MTAP: variants seen among roughly 807,000 people sequenced by gnomAD.
MTAP encodes the protein methylthioadenosine phosphorylase.
In MTAP, 33 loss-of-function variants were observed where a neutral mutation model predicts 33.6. The observed-to-expected ratio is 0.98, with a 90% CI of 0.74 to 1.31. The LOEUF is 1.31. Among genes scored for constraint, MTAP ranks in the 40% most tolerant of loss-of-function variants. The pLI is 0.00. For synonymous variants in MTAP, 148 were observed against 125.7 expected, an observed-to-expected ratio of 1.18 and a Z score of -1.19; for missense variants, 367 against 360.0, an observed-to-expected ratio of 1.02 and a Z score of -0.16.
chr9:21,816,764 C>A lies in MTAP; in HGVS notation c.171C>A (p.Leu57=). 6.2e-7 allele frequency: 1 copy of A among 1,610,648 alleles called. No individual in the cohort carries two copies. The highest frequency in any genetic ancestry group is 1.3e-5 in the African/African-American group (1 of 74,896). ...AGATAAAAAATGTTGATTGCGTCCT[C>A]CTTGCAAGGTATGGTATTTTAAGCT... ...LGKIKNVDCV[L]LARHGRQHTI... The change falls in exon 3 of 8, where the codon CTC becomes CTA. Residue 57 remains leucine, a synonymous_variant. Transcript: ENST00000644715.
At chr9:21,879,512 C>G (rs1468302284) in intron 1 of MTAP, among the ~76,000 whole-genome samples, 1 of 151,936 alleles carries the variant, frequency 6.6e-6, no homozygotes, top group African/African-American at 2.4e-5. Flanking sequence ...TCCAGCTTGC[C>G]ACTCTGTGCC....
At chr9:21,829,423 T>G (rs952402320) in intron 4 of MTAP, among the ~76,000 whole-genome samples, 30 of 151,992 alleles carry the variant, frequency 2.0e-4, no homozygotes, top group African/African-American at 6.5e-4. Context: ...TGTTGTTTTT[T>G]TTTTTTGTTT....
At chr9:21,811,768 C>A in intron 1 of MTAP, 1 of 529,628 alleles carries the variant, frequency 1.9e-6, no homozygotes. Flanking sequence ...TGTACCAGTA[C>A]AGGAAAGCTT....
chr9:21,920,960 AT>A (rs941095404), intron 1 of MTAP, among the ~76,000 whole-genome samples: 1 of 151,680 alleles, frequency 6.6e-6, no homozygotes, highest in Admixed American at 6.6e-5. Flanking sequence ...CACTTCTCCC[AT>A]TTTTTTTGGA....
intron 4 of MTAP, among the ~76,000 whole-genome samples, chr9:21,819,189 G>A (rs189130710): frequency 6.0e-5 from 9 of 148,918 alleles, no homozygotes; most frequent in Admixed American, 5.4e-4. Context: ...TGTGCACAAC[G>A]TGCAGGTTTG....
chr9:21,867,983 A>T (rs1488838601), downstream of MTAP, among the ~76,000 whole-genome samples: 1 of 152,228 alleles, frequency 6.6e-6, no homozygotes, highest in Non-Finnish European at 1.5e-5. Flanking sequence ...AACAATGTTC[A>T]TGACAAAAGG....
At chr9:21,881,859 C>G (rs763950756) in intron 1 of MTAP, among the ~76,000 whole-genome samples, 7 of 151,978 alleles carry the variant, frequency 4.6e-5, no homozygotes, top group Non-Finnish European at 1.0e-4. Flanking sequence ...TATGATTCAG[C>G]AATCACATCT....
chr9:21,888,081 A>G (rs549246891), intron 1 of MTAP, among the ~76,000 whole-genome samples: 2 of 152,348 alleles, frequency 1.3e-5, no homozygotes, highest in African/African-American at 2.4e-5. Flanking sequence ...GTGAAAAGCA[A>G]CAATCATTTA....
At chr9:21,924,547 G>A (rs1818836911) in intron 1 of MTAP, among the ~76,000 whole-genome samples, 1 of 152,168 alleles carries the variant, frequency 6.6e-6, no homozygotes, top group Admixed American at 6.5e-5. Context: ...ACCTTTGTTG[G>A]GCTTGTAAAA....
chr9:21,931,170 C>A, exon 2 of MTAP: 1 of 747,272 alleles, frequency 1.3e-6, no homozygotes, highest in Non-Finnish European at 2.4e-6. Flanking sequence ...CTTCCAACAA[C>A]CCATGCAGCC....
At position 21,878,946 on chromosome 9, in the gene MTAP, G is replaced by A. The variant is rs117168139; in HGVS notation, c.147+24076G>A. On this transcript the variant is annotated intron_variant, in intron 1 of 1. Transcript: ENST00000577563. ...TGTTTCATATTATTTTGGTTCTTCC[G>A]CATTTGCTGAGGATTGTTTTATGTC... 5.6e-3 allele frequency among the ~76,000 whole-genome samples: 856 copies of A among 152,122 alleles called. 16 individuals carry two copies. The highest frequency in any genetic ancestry group is 0.054 in the East Asian group (278 of 5,178).
rs1392257334 is a variant in MTAP, at chr9:21,865,687, CAGA to C, written c.*3679_*3681del. 2.0e-6 allele frequency: 2 copies of C among 1,019,380 alleles called. No individual in the cohort carries two copies. Among genetic ancestry groups the C allele is most frequent in the Non-Finnish European group, 2.4e-6 (2 of 847,430 alleles). The allele number at this position is 1,019,380 out of a possible 1,614,324, so 63.1% of individuals were successfully genotyped here. ...ATCTACCAAGACTAGTAGGGTAGTC[CAGA>C]AGAAGCTGTTTCAGGGCCTGTTGCC... is the stretch of plus-strand genomic sequence containing the variant. On this transcript the variant is annotated 3_prime_UTR_variant, in exon 8 of 8. Transcript: ENST00000644715.
chr9:21,835,222 C>G (rs1317019218), intron 4 of MTAP, among the ~76,000 whole-genome samples: 1 of 152,132 alleles, frequency 6.6e-6, no homozygotes, highest in Non-Finnish European at 1.5e-5. Context: ...CTCCAAAAGG[C>G]TCCATCTCCT....
intron 4 of MTAP, among the ~76,000 whole-genome samples, chr9:21,836,913 T>C (rs1031836059): frequency 6.6e-6 from 1 of 152,184 alleles, no homozygotes; most frequent in African/African-American, 2.4e-5. Context: ...AAACTATTTC[T>C]CAGTGCTGCC....
intron 4 of MTAP, among the ~76,000 whole-genome samples, chr9:21,828,185 A>G (rs1489930950): frequency 2.0e-5 from 3 of 152,180 alleles, no homozygotes; most frequent in Admixed American, 6.5e-5. Flanking sequence ...TTTTCTGTTT[A>G]TGAGACATAT....
intron 6 of MTAP, among the ~76,000 whole-genome samples, chr9:21,855,831 A>G (rs922013933): frequency 2.0e-4 from 30 of 152,134 alleles, no homozygotes; most frequent in African/African-American, 6.5e-4. Context: ...GTCCCTACCT[A>G]TTTCTCCCCT....
At chr9:21,821,441 A>C (rs899512082) in intron 4 of MTAP, among the ~76,000 whole-genome samples, 1 of 152,204 alleles carries the variant, frequency 6.6e-6, no homozygotes, top group African/African-American at 2.4e-5. Flanking sequence ...TGATTTGCGT[A>C]TGTTGAACCA....
intron 1 of MTAP, among the ~76,000 whole-genome samples, chr9:21,881,916 T>G (rs1186054636): frequency 6.6e-6 from 1 of 152,004 alleles, no homozygotes; most frequent in Non-Finnish European, 1.5e-5. Context: ...CAAAGAAATT[T>G]GCACACCCAT....
In MTAP at chr9:21,896,162, T is replaced by C. The variant is rs1241328234; in HGVS notation, c.148-34846T>C. Among the ~76,000 whole-genome samples the C allele has an allele frequency of 3.3e-5, 5 of 152,246 alleles. No individual in the cohort carries two copies. The South Asian group carries it at 1.0e-3, about 32-fold the overall frequency. On this transcript the variant is annotated intron_variant, in intron 1 of 1. Transcript: ENST00000577563. ...TGAACAACCTGCTCCTGAATGACTA[T>C]TGGGTCCATAACGAAAGGAAGGCAG...
Sources: allele counts gnomAD v4.1 joint callset (sites outside exome capture counted in the v4.1 genomes callset), GRCh38; gene constraint gnomAD v4.1.1; transcripts MANE v1.5; gene names NCBI Gene and HGNC (gene_info 2026-07-23, HGNC 2026-07-21).